Variants in ARAP2 observed in about 807,000 individuals in gnomAD.
ARAP2 encodes the protein ArfGAP with RhoGAP domain, ankyrin repeat and PH domain 2.
In ARAP2, 148 loss-of-function variants were observed where a neutral mutation model predicts 194.5. The observed-to-expected ratio is 0.76, with a 90% CI of 0.67 to 0.87. The LOEUF is 0.87. Ranked by LOEUF, ARAP2 falls within the 40% of genes least tolerant of loss-of-function variation. The pLI is 0.00. For missense variants in ARAP2, 2,128 were observed against 1,989.7 expected (o/e 1.07, Z -1.32); for synonymous variants, 695 against 683.5 (o/e 1.02, Z -0.26).
At chr4:36,161,643 T>C (rs1471723271) in intron 11 of ARAP2, 93 bp from the exon 12 acceptor site, 2 of 960,936 alleles carry the variant, frequency 2.1e-6, no homozygotes, top group African/African-American at 3.3e-5. Flanking sequence ...CTGTGTATGT[T>C]CGTTGCGTAT....
At chr4:36,048,795 G>A (rs755896292) in intron 3 of ARAP2, among the ~76,000 whole-genome samples, 16 of 152,038 alleles carry the variant, frequency 1.1e-4, no homozygotes, top group Non-Finnish European at 1.9e-4. Context: ...TTCCCTAGAG[G>A]TTCAATTAAT....
At chr4:36,144,797 TAC>T (rs1445250581) in intron 19 of ARAP2, among the ~76,000 whole-genome samples, 1 of 151,916 alleles carries the variant, frequency 6.6e-6, no homozygotes, top group African/African-American at 2.4e-5. Flanking sequence ...GATCCCTTTA[TAC>T]ACAGATTTTT....
chr4:36,070,311 T>C (rs1726535284), intron 32 of ARAP2, among the ~76,000 whole-genome samples: 2 of 152,124 alleles, frequency 1.3e-5, no homozygotes, highest in African/African-American at 4.8e-5. Flanking sequence ...GCCAAGTGCA[T>C]AGACAATGGG....
At chr4:36,215,813 G>A (rs1196288678) in intron 2 of ARAP2, among the ~76,000 whole-genome samples, 1 of 151,242 alleles carries the variant, frequency 6.6e-6, no homozygotes, top group African/African-American at 2.4e-5. Context: ...TCGTGCCACT[G>A]CACTCCAGCC....
At chr4:36,142,412 C>G (rs753555411) in intron 19 of ARAP2, among the ~76,000 whole-genome samples, 1 of 151,472 alleles carries the variant, frequency 6.6e-6, no homozygotes, top group East Asian at 1.9e-4. Context: ...CCCCTTACCT[C>G]GTTAATCCTA....
In ARAP2 at chr4:36,128,708, A is replaced by G. The variant is rs150357024; in HGVS notation, c.3465T>C (p.Asp1155=). ...GCKYIYQKNG[D]PLHISELLES... ...CCAGGAGTTCACTTATATGCAAAGG[A>G]TCACCATTCTTTTGATAGATATATT... The change falls in exon 21 of 33, where the codon GAT becomes GAC. Residue 1155 remains aspartate, a synonymous_variant. Transcript: ENST00000303965. 1.2e-6 allele frequency: 2 copies of G among 1,612,386 alleles called. No homozygotes were observed. The highest frequency in any genetic ancestry group is 1.3e-5 in the African/African-American group (1 of 74,784).
At chr4:36,103,708 A>G (rs1717630980) in intron 27 of ARAP2, among the ~76,000 whole-genome samples, 1 of 151,862 alleles carries the variant, frequency 6.6e-6, no homozygotes, top group African/African-American at 2.4e-5. Context: ...TAGAGGCAAC[A>G]AAAAACACAC....
intron 32 of ARAP2, among the ~76,000 whole-genome samples, chr4:36,069,937 C>CCT (rs930768232): frequency 5.9e-5 from 9 of 151,896 alleles, no homozygotes; most frequent in African/African-American, 1.5e-4. Context: ...ACCTTTCCCC[C>CCT]CTCTCTCTCT....
chr4:36,108,250 T>A (rs949702221), intron 26 of ARAP2, among the ~76,000 whole-genome samples: 6 of 152,062 alleles, frequency 3.9e-5, no homozygotes, highest in African/African-American at 1.2e-4. Context: ...AACCTTCTTA[T>A]TTTTATATGC....
intron 8 of ARAP2, among the ~76,000 whole-genome samples, chr4:36,186,916 A>T (rs1478235194): frequency 1.3e-5 from 2 of 152,228 alleles, no homozygotes; most frequent in African/African-American, 4.8e-5. Flanking sequence ...ATATACTACA[A>T]TGTAATAATA....
At chr4:36,138,978 T>C (rs781127367) in intron 19 of ARAP2, among the ~76,000 whole-genome samples, 8 of 151,730 alleles carry the variant, frequency 5.3e-5, no homozygotes, top group Non-Finnish European at 8.9e-5. Flanking sequence ...CTTTTAGACA[T>C]TTCTATTCAT....
chr4:36,009,274 C>T (rs1410497371), intron 9 of ARAP2, among the ~76,000 whole-genome samples: 2 of 152,120 alleles, frequency 1.3e-5, no homozygotes, highest in Non-Finnish European at 2.9e-5. Context: ...ATAACAAATA[C>T]ATAGAATCTA....
Position 36,150,896 on chromosome 4 carries a change from C to A in ARAP2, c.2897+4G>T. The A allele has an allele frequency of 1.2e-6, 2 of 1,609,612 alleles. No homozygotes were observed. Among genetic ancestry groups the A allele is most frequent in the Non-Finnish European group, 1.7e-6 (2 of 1,178,356 alleles). On this transcript the variant is annotated splice_donor_region_variant and intron_variant, in intron 16 of 32. Coordinates refer to ENST00000303965, the MANE Select transcript of ARAP2 (RefSeq NM_015230.4). ...ACCTCCTAATTGTGTAATGACAGACCTACCCAGTATTTAAATAGAAGTCCT... is the reference window on the plus strand; with the variant it reads ...ACCTCCTAATTGTGTAATGACAGACATACCCAGTATTTAAATAGAAGTCCT...
chr4:36,083,293 C>T (rs909527286), intron 29 of ARAP2, 75 bp downstream of exon 29: 12 of 1,077,406 alleles, frequency 1.1e-5, no homozygotes, highest in Non-Finnish European at 1.6e-5. Flanking sequence ...ACTAATGCCA[C>T]TGATCCCTAA....
chr4:36,214,270 T>G, intron 3 of ARAP2, 152 bp downstream of exon 3: 1 of 452,348 alleles, frequency 2.2e-6, no homozygotes, highest in South Asian at 7.4e-5. Flanking sequence ...CAGTCCATTT[T>G]AAAAGTGTCT....
At position 36,164,952 on chromosome 4, in the gene ARAP2, G is replaced by T. The variant is rs774739321; in HGVS notation, c.2135C>A (p.Ser712Tyr). ...ACAGATGACAACACAGAGATTGATG[G>T]ATGCCCAGTCAGGATCTGGGGCTTT... ...DCKAPDPDWA[S>Y]INLCVVICKK... is the part of the protein sequence containing the mutation. Residue 712 changes from serine to tyrosine, a missense_variant, in exon 11 of 33, where the codon TCC (serine) becomes TAC (tyrosine). By Grantham distance (144) the Ser-to-Tyr change is moderately radical (BLOSUM62 -2). Transcript: ENST00000303965. The T allele has an allele frequency of 9.9e-6, 16 of 1,614,066 alleles. No individual in the cohort carries two copies. Among genetic ancestry groups the T allele is most frequent in the Non-Finnish European group, 2.5e-6 (3 of 1,179,934 alleles).
In ARAP2 at chr4:36,210,503, T is replaced by C. The variant is rs1182415273; in HGVS notation, c.1374A>G (p.Gly458=). ...AAGAAACGGCTGATGAATCAGCATT[T>C]CCACTTGTTGAGCTTAACGGATAAC... The part of the protein sequence containing the change: ...RHSYPLSSTS[G]NADSSAVSSQ... The change falls in exon 6 of 33, where the codon GGA becomes GGG. Residue 458 remains glycine, a synonymous_variant. Transcript: ENST00000303965. 8.1e-6 allele frequency: 13 copies of C among 1,613,880 alleles called. No individual in the cohort carries two copies. Among genetic ancestry groups the C allele is most frequent in the Non-Finnish European group, 1.1e-5 (13 of 1,179,892 alleles).
intron 31 of ARAP2, among the ~76,000 whole-genome samples, chr4:36,077,013 G>T (rs1728404453): frequency 6.6e-6 from 1 of 152,106 alleles, no homozygotes. Flanking sequence ...GGGAGTCCTT[G>T]GTAAGGCTTT....
At chr4:36,099,205 C>G (rs749961817) in intron 27 of ARAP2, among the ~76,000 whole-genome samples, 8 of 152,068 alleles carry the variant, frequency 5.3e-5, no homozygotes, top group Non-Finnish European at 7.4e-5. Flanking sequence ...CTTCCAGCTC[C>G]ATCTGTGTCC....
Sources: allele counts gnomAD v4.1 joint callset (sites outside exome capture counted in the v4.1 genomes callset), GRCh38; gene constraint gnomAD v4.1.1; transcripts MANE v1.5; gene names NCBI Gene and HGNC (gene_info 2026-07-23, HGNC 2026-07-21).